The following BMS1 variants were observed in gnomAD, a reference collection of about 807,000 sequenced individuals.
The protein encoded by BMS1 is ribosome biogenesis protein BMS1 homolog.
A neutral mutation model predicts 138.7 loss-of-function variants in BMS1; 53 were observed. The observed-to-expected ratio is 0.38, with a 90% confidence interval of 0.31 to 0.48. The LOEUF (loss-of-function observed/expected upper bound fraction) is 0.48, where lower values mean the gene tolerates loss of function less well. Among genes scored for constraint, BMS1 ranks in the 20% least tolerant of loss-of-function variants. BMS1 has a pLI of 0.97. For synonymous variants in BMS1, 504 were observed against 539.9 expected, an observed-to-expected ratio of 0.93 and a Z score of 0.92; for missense variants, 1,360 against 1,565.5, an observed-to-expected ratio of 0.87 and a Z score of 2.22.
intron 4 of BMS1, among the ~76,000 whole-genome samples, chr10:42,789,218 T>A (rs1252061170): frequency 6.6e-6 from 1 of 152,250 alleles, no homozygotes; most frequent in Non-Finnish European, 1.5e-5. Flanking sequence ...CCTGGCACTC[T>A]GTGGCATCAA....
At chr10:42,817,607 G>A (rs1317155777) in intron 15 of BMS1, 113 bp downstream of exon 15, 1 of 1,061,416 alleles carries the variant, frequency 9.4e-7, no homozygotes, top group Non-Finnish European at 1.3e-6. Flanking sequence ...TCCTGCTTCT[G>A]TGCCTTTCAT....
intron 6 of BMS1, 114 bp from the exon 7 acceptor site, chr10:42,792,379 A>G (rs778778563): frequency 1.4e-5 from 19 of 1,407,092 alleles, no homozygotes; most frequent in East Asian, 2.4e-5. Flanking sequence ...TGCATTTTCT[A>G]GTTTTCTAAA....
chr10:42,785,853 G>A (rs1185394004), intron 3 of BMS1, among the ~76,000 whole-genome samples, 181 bp downstream of exon 3: 1 of 152,098 alleles, frequency 6.6e-6, no homozygotes, highest in Non-Finnish European at 1.5e-5. Context: ...CAGAGATAAG[G>A]ATGTGATAAT....
intron 11 of BMS1, among the ~76,000 whole-genome samples, chr10:42,798,078 A>G (rs1377386290): frequency 6.6e-6 from 1 of 152,244 alleles, no homozygotes; most frequent in African/African-American, 2.4e-5. Flanking sequence ...AGGTTGTTGT[A>G]TACTGATTTT....
intron 13 of BMS1, among the ~76,000 whole-genome samples, chr10:42,811,502 G>GAA (rs1842176164): frequency 1.4e-5 from 2 of 147,810 alleles, no homozygotes; most frequent in African/African-American, 5.0e-5. Context: ...CCCCACAAAT[G>GAA]TTCACGTGTT....
chr10:42,821,938 C>T lies in BMS1; in HGVS notation c.3010-124C>T, dbSNP rs139356408. 163 of 1,046,838 alleles carry T rather than the reference C, an allele frequency of 1.6e-4. No homozygotes were observed. In the African/African-American group the frequency reaches 2.5e-3, roughly 16 times the overall value. The allele number at this position is 1,046,838 out of a possible 1,614,324, so 64.8% of individuals were successfully genotyped here. A position where few individuals can be genotyped will look rare whatever the true frequency, so the allele number is the denominator to read the frequency against. ...CCACTGGGTTGCAAGTTCACATGGT[C>T]TCTCTTGTTTTTCTTAGCTAATTGT... On this transcript the variant is annotated intron_variant, in intron 18 of 22. Transcript: ENST00000374518.
chr10:42,801,219 G>C (rs1236393874), intron 12 of BMS1, among the ~76,000 whole-genome samples: 3 of 152,162 alleles, frequency 2.0e-5, no homozygotes, highest in Non-Finnish European at 2.9e-5. Context: ...AGCTCATATA[G>C]ATATTTCCAG....
At position 42,797,498 on chromosome 10, in the gene BMS1, C is replaced by T; in HGVS notation, c.2064C>T (p.Asn688=). 1 of 1,614,180 alleles carries T rather than the reference C, an allele frequency of 6.2e-7. No homozygotes were observed. Among genetic ancestry groups the T allele is most frequent in the Non-Finnish European group, 8.5e-7 (1 of 1,180,024 alleles). The part of the protein sequence containing the change: ...AFLRQQQAAP[N]LRKLIYGTVT... ...TGAGGCAGCAGCAAGCAGCTCCAAA[C>T]CTCCGAAAGCTTATTTATGGGACAG... is the stretch of plus-strand genomic sequence containing the variant. Residue 688 remains asparagine, a synonymous_variant, in exon 11 of 23, where the codon AAC becomes AAT. Transcript: ENST00000374518.
intron 4 of BMS1, among the ~76,000 whole-genome samples, chr10:42,788,569 T>C (rs1192725950): frequency 6.7e-6 from 1 of 150,270 alleles, no homozygotes; most frequent in East Asian, 1.9e-4. Context: ...TATTGTGCTG[T>C]TGAACACCAG....
intron 12 of BMS1, among the ~76,000 whole-genome samples, chr10:42,799,952 G>C (rs1036964112): frequency 1.3e-5 from 2 of 152,108 alleles, no homozygotes; most frequent in African/African-American, 4.8e-5. Context: ...TTGGTCTGTA[G>C]AGTTTCTTGT....
At chr10:42,819,409 T>C (rs1164690637) in intron 15 of BMS1, among the ~76,000 whole-genome samples, 3 of 152,240 alleles carry the variant, frequency 2.0e-5, no homozygotes, top group South Asian at 2.1e-4. Context: ...TTTTAAATAT[T>C]ATGTAATTGT....
intron 13 of BMS1, among the ~76,000 whole-genome samples, chr10:42,811,082 G>T (rs1378673099): frequency 6.6e-6 from 1 of 150,816 alleles, no homozygotes; most frequent in African/African-American, 2.4e-5. Flanking sequence ...CACTCTTCTT[G>T]CCCAGGCTGG....
In BMS1 at chr10:42,797,211, A is replaced by G. The variant is rs1408978242; in HGVS notation, c.1967A>G (p.Asn656Ser). The G allele has an allele frequency of 6.9e-6, 11 of 1,603,774 alleles. No homozygotes were observed. Among genetic ancestry groups the G allele is most frequent in the African/African-American group, 2.7e-5 (2 of 74,164 alleles). ...GAAGAAGATTACAAGGAAGAAAATA[A>G]TGATTCCAAAGAAACGTCAGGTAAG... ...KEEEDYKEEN[N>S]DSKETSGALK... Residue 656 changes from asparagine to serine, a missense_variant, in exon 10 of 23, where the codon AAT (asparagine) becomes AGT (serine). By Grantham distance (46) the Asn-to-Ser change is conservative. Around this residue, in one of 3 missense-constraint regions of BMS1, gnomAD observed 697 missense variants for 686.2 expected, o/e 1.02. Coordinates refer to ENST00000374518, the MANE Select transcript of BMS1 (RefSeq NM_014753.4).
chr10:42,828,905 C>T (rs1399636027), intron 21 of BMS1, among the ~76,000 whole-genome samples: 2 of 151,998 alleles, frequency 1.3e-5, no homozygotes, highest in Non-Finnish European at 2.9e-5. Flanking sequence ...GATGTGGTGC[C>T]CATTATCCAT....
rs1289009481 is a variant in BMS1, at chr10:42,822,110, TC to T, written c.3060del (p.Ile1021Ter). 1 of 1,585,060 alleles carries T rather than the reference TC, an allele frequency of 6.3e-7. No individual in the cohort carries two copies. Among genetic ancestry groups the T allele is most frequent in the Admixed American group, 1.7e-5 (1 of 59,764 alleles). On this transcript the variant is annotated frameshift_variant, in exon 19 of 23. Transcript: ENST00000374518. LOFTEE classifies it high-confidence loss of function. ...ATGVVLDLDKSIKIVKKLKLT... is the reference protein window; with the variant it reads ...ATGVVLDLDKXIKIVKKLKLT... ...AGGAGTTGTCCTTGATCTGGATAAA[TC>T]CATAAAAATTGTGAAGAAATTAAAG...
rs561388487 is a variant in BMS1 at position 42,807,380 on chromosome 10, C to T, written c.2329+5162C>T. 3.3e-5 allele frequency among the ~76,000 whole-genome samples: 5 copies of T among 152,306 alleles called. No homozygotes were observed. In the East Asian group the frequency reaches 9.6e-4, roughly 29 times the overall value. On this transcript the variant is annotated intron_variant, in intron 13 of 22. Coordinates refer to ENST00000374518, the MANE Select transcript of BMS1 (RefSeq NM_014753.4). ...GTTGGTGCATATACCATAGGTCATT[C>T]CTTTTTATTGCTGAGTAGTGCTCCA... is the stretch of plus-strand genomic sequence containing the variant.
chr10:42,831,088 T>C lies in BMS1; in HGVS notation c.3841T>C (p.Leu1281=), dbSNP rs1471303445. The C allele has an allele frequency of 1.3e-6, 2 of 1,562,574 alleles. No individual in the cohort carries two copies. The highest frequency in any genetic ancestry group is 2.4e-5 in the East Asian group (1 of 42,360). The change falls in exon 23 of 23, where the codon TTG becomes CTG. Residue 1281 remains leucine, a synonymous_variant. Coordinates refer to ENST00000374518, the MANE Select transcript of BMS1 (RefSeq NM_014753.4). Reference sequence around the variant, plus strand: ...CAGTTTGAAGGGGGCTGAGGGCCAATTGCAGTGAGCCTTTGGACTGGAGGG... The same window carrying C: ...CAGTTTGAAGGGGGCTGAGGGCCAACTGCAGTGAGCCTTTGGACTGGAGGG... The part of the protein sequence containing the change: ...KSSLKGAEGQ[L]Q
chr10:42,797,492 T>A lies in BMS1; in HGVS notation c.2058T>A (p.Ala686=). The A allele has an allele frequency of 6.2e-7, 1 of 1,614,196 alleles. No individual in the cohort carries two copies. Among genetic ancestry groups the A allele is most frequent in the Non-Finnish European group, 8.5e-7 (1 of 1,180,020 alleles). The change falls in exon 11 of 23, where the codon GCT becomes GCA. Residue 686 remains alanine (A), a synonymous_variant. Transcript: ENST00000374518. Reference sequence around the variant, plus strand: ...CCTTTCTGAGGCAGCAGCAAGCAGCTCCAAACCTCCGAAAGCTTATTTATG... The same window carrying A: ...CCTTTCTGAGGCAGCAGCAAGCAGCACCAAACCTCCGAAAGCTTATTTATG... ...AEAFLRQQQA[A]PNLRKLIYGT...
At position 42,820,289 on chromosome 10, in the gene BMS1, G is replaced by A; in HGVS notation, c.2634G>A (p.Glu878=). ...DQDDEARVQY[E]GFRPGMYVRI... ...ATGATGAAGCCAGAGTTCAGTATGA[G>A]GGTTTTCGACCTGGGATGTACGTCC... The change falls in exon 16 of 23, where the codon GAG becomes GAA. Residue 878 remains glutamate (E), a synonymous_variant. Coordinates refer to ENST00000374518, the MANE Select transcript of BMS1 (RefSeq NM_014753.4). 3 of 1,613,586 alleles carry A rather than the reference G, an allele frequency of 1.9e-6. No individual in the cohort carries two copies. Among genetic ancestry groups the A allele is most frequent in the Non-Finnish European group, 2.5e-6 (3 of 1,179,856 alleles).
Sources: allele counts gnomAD v4.1 joint callset (sites outside exome capture counted in the v4.1 genomes callset), GRCh38; gene constraint gnomAD v4.1.1; regional missense constraint gnomAD v4.1.1; transcripts MANE v1.5; gene names NCBI Gene and HGNC (gene_info 2026-07-23, HGNC 2026-07-21).